CDH15: variants seen among roughly 807,000 people sequenced by gnomAD.
CDH15 encodes cadherin-15.
Under a neutral mutation model 69.4 loss-of-function variants are expected in CDH15, and 73 were observed. That is an observed-to-expected ratio of 1.05 (90% confidence interval 0.87 to 1.28). The LOEUF (loss-of-function observed/expected upper bound fraction) is 1.28. Among genes scored for constraint, CDH15 ranks in the 50% most tolerant of loss-of-function variants. The probability of loss-of-function intolerance (pLI) is 0.00; values close to 1 mark genes in which losing one functional copy is unlikely to be tolerated. For synonymous variants in CDH15, 624 were observed against 507.7 expected, an observed-to-expected ratio of 1.23 and a Z score of -3.08; for missense variants, 1,343 against 1,133.6, an observed-to-expected ratio of 1.18 and a Z score of -2.65.
chr16:89,184,255 C>A (rs781518580), intron 4 of CDH15, among the ~76,000 whole-genome samples: 1 of 152,152 alleles, frequency 6.6e-6, no homozygotes, highest in Non-Finnish European at 1.5e-5. Flanking sequence ...CAGTGGCCTC[C>A]GCGCCTCGTT....
chr16:89,194,520 G>T (rs911292207), intron 13 of CDH15, among the ~76,000 whole-genome samples: 1 of 152,194 alleles, frequency 6.6e-6, no homozygotes, highest in Non-Finnish European at 1.5e-5. Flanking sequence ...GTGTCCAGGA[G>T]GCTCGGGTTC....
In CDH15 at chr16:89,194,984, T is replaced by C; in HGVS notation, c.2274T>C (p.Asp758=). 6.2e-7 allele frequency: 1 copy of C among 1,611,666 alleles called. No homozygotes were observed. The change falls in exon 14 of 14, where the codon GAT becomes GAC. Residue 758 remains aspartate, a synonymous_variant. Transcript: ENST00000289746. Reference sequence around the variant, plus strand: ...GCTCCATCCTGTCCAGCCAGGGCGATGAGGACCAGGACTACGACTACCTCA... The same window carrying C: ...GCTCCATCCTGTCCAGCCAGGGCGACGAGGACCAGGACTACGACTACCTCA... The part of the protein sequence containing the change: ...TLSSILSSQG[D]EDQDYDYLRD...
intron 1 of CDH15, among the ~76,000 whole-genome samples, chr16:89,176,746 C>T (rs995874351): frequency 6.6e-6 from 1 of 152,134 alleles, no homozygotes; most frequent in Non-Finnish European, 1.5e-5. Flanking sequence ...AGGAGCAGGC[C>T]GCGAAGATGG....
chr16:89,194,550 C>T (rs1487582082), intron 13 of CDH15, among the ~76,000 whole-genome samples: 2 of 152,126 alleles, frequency 1.3e-5, no homozygotes, highest in Non-Finnish European at 2.9e-5. Context: ...TGGACAAGGG[C>T]CACGGGGAGG....
intron 1 of CDH15, among the ~76,000 whole-genome samples, chr16:89,178,499 G>C (rs1190472048): frequency 2.0e-5 from 3 of 152,116 alleles, no homozygotes; most frequent in Non-Finnish European, 2.9e-5. Flanking sequence ...TGGGGGTGGG[G>C]CTGCCCCTCT....
intron 13 of CDH15, 86 bp downstream of exon 13, chr16:89,193,999 C>A: frequency 7.0e-7 from 1 of 1,434,824 alleles, no homozygotes; most frequent in Non-Finnish European, 9.6e-7. Flanking sequence ...CACATGCATG[C>A]AAGAACCGGC....
At chr16:89,187,695 G>C (rs1273683554) in intron 6 of CDH15, 138 bp downstream of exon 6, 1 of 1,285,638 alleles carries the variant, frequency 7.8e-7, no homozygotes, top group Admixed American at 1.9e-5. Context: ...GCGTGGGCGG[G>C]TGGAAGCCCA....
At chr16:89,187,675 A>G (rs1401732069) in intron 6 of CDH15, 118 bp downstream of exon 6, 2 of 1,438,344 alleles carry the variant, frequency 1.4e-6, no homozygotes, top group South Asian at 2.4e-5. Flanking sequence ...TGCTTTGGAG[A>G]AGGAACTCCG....
Position 89,193,833 on chromosome 16 carries a change from G to T in CDH15, c.2071G>T (p.Ala691Ser), listed in dbSNP as rs2151605313. 6.2e-7 allele frequency: 1 copy of T among 1,610,284 alleles called. No individual in the cohort carries two copies. Among genetic ancestry groups the T allele is most frequent in the African/African-American group, 1.3e-5 (1 of 75,022 alleles). Residue 691 changes from alanine (A) to serine (S), a missense_variant, in exon 13 of 14, where the codon GCC becomes TCC. Transcript: ENST00000289746. ...PLGPPPLRRDAPQGRLHPQPP... is the reference protein window; with the variant it reads ...PLGPPPLRRDSPQGRLHPQPP... ...GGGACCGCCGCCACTTCGCAGAGAT[G>T]CCCCGCAGGGCCGCCTGCACCCCCA...
intron 13 of CDH15, 150 bp downstream of exon 13, chr16:89,194,063 G>C: frequency 1.0e-6 from 1 of 977,512 alleles, no homozygotes; most frequent in Non-Finnish European, 1.5e-6. Flanking sequence ...GATGGTGTGC[G>C]GGCGGGAGTG....
rs760929454 is a variant in CDH15, at chr16:89,191,812, C to A, written c.1533C>A (p.Pro511=). The A allele has an allele frequency of 6.9e-6, 11 of 1,605,126 alleles. No homozygotes were observed. Among genetic ancestry groups the A allele is most frequent in the Non-Finnish European group, 9.3e-6 (11 of 1,179,312 alleles). Residue 511 remains proline (P), a synonymous_variant, in exon 10 of 14, where the codon CCC becomes CCA. Transcript: ENST00000289746. ...LLLGATDEDL[P]PHGAPFHFQL... ...TGGGCGCCACGGATGAGGACCTGCC[C>A]CCCCACGGGGCCCCCTTCCACTTCC...
At chr16:89,180,987 T>TTTTTTTTTTTTTTTTTTTTGGG (rs1567771866) in intron 3 of CDH15, among the ~76,000 whole-genome samples, 1 of 149,784 alleles carries the variant, frequency 6.7e-6, no homozygotes, top group African/African-American at 2.5e-5. Flanking sequence ...TTTTTTTTTT[T>TTTTTTTTTTTTTTTTTTTTGGG]GAGATGGAGC....
Position 89,195,285 on chromosome 16 carries a change from A to C in CDH15, c.*130A>C. ...GCCTCCTTCCTGTAGGCGAGGGCCC[A>C]AGTCTGGGGGCAGAACCTGAGTGTG... On this transcript the variant is annotated 3_prime_UTR_variant, in exon 14 of 14. Coordinates refer to ENST00000289746, the MANE Select transcript of CDH15 (RefSeq NM_004933.3). The C allele has an allele frequency of 1.0e-6, 1 of 980,006 alleles. No homozygotes were observed. The highest frequency in any genetic ancestry group is 1.5e-6 in the Non-Finnish European group (1 of 685,038). 60.7% of individuals were successfully genotyped at this position (980,006 alleles called of 1,614,324 possible).
In CDH15 at chr16:89,179,447, G is replaced by T. The variant is rs1312416204; in HGVS notation, c.74G>T (p.Trp25Leu). The T allele has an allele frequency of 1.2e-6, 2 of 1,613,532 alleles. No individual in the cohort carries two copies. Among genetic ancestry groups the T allele is most frequent in the Non-Finnish European group, 1.7e-6 (2 of 1,179,902 alleles). Residue 25 changes from tryptophan (W) to leucine (L), a missense_variant, in exon 2 of 14, where the codon TGG (tryptophan) becomes TTG (leucine). Trp to Leu is a moderately conservative substitution (Grantham distance 61, BLOSUM62 -2). Coordinates refer to ENST00000289746, the MANE Select transcript of CDH15 (RefSeq NM_004933.3). ...TGCCTGTCTTTGGGGGTTCCTGGAT[G>T]GAGGAGGCCCACCACCCTGTACCCC... is the stretch of plus-strand genomic sequence containing the variant. ...SLCLSLGVPGWRRPTTLYPWR... is the reference protein window; with the variant it reads ...SLCLSLGVPGLRRPTTLYPWR...
chr16:89,192,004 G>A (rs1268916612), intron 10 of CDH15, 110 bp downstream of exon 10: 5 of 1,231,180 alleles, frequency 4.1e-6, no homozygotes, highest in Non-Finnish European at 5.6e-6. Flanking sequence ...CCGTGGTCCT[G>A]CAACAGGTCC....
intron 1 of CDH15, among the ~76,000 whole-genome samples, chr16:89,177,805 C>T (rs981069702): frequency 5.3e-5 from 8 of 152,168 alleles, no homozygotes; most frequent in African/African-American, 1.9e-4. Flanking sequence ...CTGTCAGCTG[C>T]GGCAGCTTCC....
chr16:89,193,595 G>A lies in CDH15; in HGVS notation c.1981G>A (p.Glu661Lys). ...CAACTACGATGAGCAAGGAGGCGGG[G>A]AGGAGGACCAGGTGAGGGGGCAGGT... ...VLNYDEQGGG[E>K]EDQDAYDISQ... Residue 661 changes from glutamate (E) to lysine (K), a missense_variant, in exon 12 of 14, where the codon GAG becomes AAG. Glu to Lys is a moderately conservative substitution (Grantham distance 56, BLOSUM62 1). Transcript: ENST00000289746. 1.9e-6 allele frequency: 3 copies of A among 1,598,430 alleles called. No individual in the cohort carries two copies. Among genetic ancestry groups the A allele is most frequent in the Non-Finnish European group, 2.6e-6 (3 of 1,172,712 alleles).
rs1915671138 is a variant in CDH15, at chr16:89,192,401, G to A, written c.1812G>A (p.Leu604=). 4 of 1,541,028 alleles carry A rather than the reference G, an allele frequency of 2.6e-6. 1 individual carries two copies. The highest frequency in any genetic ancestry group is 1.4e-5 in the African/African-American group (1 of 73,188). Residue 604 remains leucine, a synonymous_variant, in exon 11 of 14, where the codon CTG becomes CTA. Transcript: ENST00000289746. ...ALLAGGTGLS[L]GALVIVLASA... ...TGGCGGGGGGCACAGGCCTCAGCCT[G>A]GGCGCACTGGTCATCGTGCTGGCCA...
rs774553413 is a variant in CDH15 at position 89,193,612 on chromosome 16, G to T, written c.1992+6G>T. The T allele has an allele frequency of 4.1e-5, 65 of 1,588,110 alleles. No homozygotes were observed. The highest frequency in any genetic ancestry group is 4.5e-5 in the Non-Finnish European group (53 of 1,167,396). On this transcript the variant is annotated splice_donor_region_variant and intron_variant, in intron 12 of 13. Transcript: ENST00000289746. ...GAGGCGGGGAGGAGGACCAGGTGAG[G>T]GGGCAGGTGTGGGTGGGGAGGGGTC...
Sources: allele counts gnomAD v4.1 joint callset (sites outside exome capture counted in the v4.1 genomes callset), GRCh38; gene constraint gnomAD v4.1.1; transcripts MANE v1.5; gene names NCBI Gene and HGNC (gene_info 2026-07-23, HGNC 2026-07-21).